Variants in CLEC6A observed in about 807,000 individuals in gnomAD.
CLEC6A encodes the protein C-type lectin domain containing 6A, also known as C-type lectin domain family 6 member A.
A neutral mutation model predicts 25.7 loss-of-function variants in CLEC6A; 22 were observed. The observed-to-expected ratio is 0.85, with a 90% confidence interval of 0.61 to 1.22. The LOEUF is 1.22. Among genes scored for constraint, CLEC6A ranks in the 50% most tolerant of loss-of-function variants. The pLI is 0.00. For missense variants in CLEC6A, 240 were observed against 236.8 expected (o/e 1.01, Z -0.09); for synonymous variants, 92 against 76.7 (o/e 1.20, Z -1.04).
rs1939671043 is a variant in CLEC6A at position 8,456,053 on chromosome 12, T to A, written c.-59T>A. On this transcript the variant is annotated 5_prime_UTR_variant, in exon 1 of 6. Transcript: ENST00000382073. ...AATGAAGCTGAGTCTCTGGGCAACATCTTTAGGGAGAGAGGTACAAAAGGT... is the reference window on the plus strand; with the variant it reads ...AATGAAGCTGAGTCTCTGGGCAACAACTTTAGGGAGAGAGGTACAAAAGGT... 4.5e-6 allele frequency: 7 copies of A among 1,569,702 alleles called. No homozygotes were observed. Among genetic ancestry groups the A allele is most frequent in the Middle Eastern group, 1.7e-4 (1 of 5,968 alleles).
At position 8,456,047 on chromosome 12, in the gene CLEC6A, G is replaced by A. The variant is rs1180588191; in HGVS notation, c.-65G>A. ...TCTTTAAATGAAGCTGAGTCTCTGG[G>A]CAACATCTTTAGGGAGAGAGGTACA... On this transcript the variant is annotated 5_prime_UTR_variant, in exon 1 of 6. Transcript: ENST00000382073. The A allele has an allele frequency of 2.6e-6, 4 of 1,530,120 alleles. No individual in the cohort carries two copies. The highest frequency in any genetic ancestry group is 2.7e-5 in the African/African-American group (2 of 73,184). 94.8% of individuals were successfully genotyped at this position (1,530,120 alleles called of 1,614,324 possible). A position where few individuals can be genotyped will look rare whatever the true frequency, so the allele number is the denominator to read the frequency against.
chr12:8,462,693 C>G (rs940642104), intron 3 of CLEC6A, among the ~76,000 whole-genome samples: 5 of 151,878 alleles, frequency 3.3e-5, no homozygotes, highest in Non-Finnish European at 7.4e-5. Flanking sequence ...CCTGCCACAT[C>G]CCCCTCTCTG....
intron 4 of CLEC6A, among the ~76,000 whole-genome samples, chr12:8,468,075 A>G (rs762711295): frequency 6.6e-6 from 1 of 151,918 alleles, no homozygotes; most frequent in South Asian, 2.1e-4. Context: ...CCAAGTAGCT[A>G]GGATTACAGG....
chr12:8,457,081 G>A (rs1461146827), intron 1 of CLEC6A, among the ~76,000 whole-genome samples: 1 of 151,518 alleles, frequency 6.6e-6, no homozygotes, highest in Non-Finnish European at 1.5e-5. Flanking sequence ...TTGTGCTTCA[G>A]CCTGGGTGAC....
At chr12:8,460,710 C>T (rs1229362851) in intron 3 of CLEC6A, 3 of 1,483,066 alleles carry the variant, frequency 2.0e-6, no homozygotes, top group Non-Finnish European at 2.8e-6. Flanking sequence ...GGCAGTACCG[C>T]CAGCTCTCTG....
Position 8,472,997 on chromosome 12 carries a change from T to A in CLEC6A, c.370-3128T>A, listed in dbSNP as rs202070610. ...ACTCAGTGTTTAGCTCCTACTTCTT[T>A]TTTTTTTTTTTTTTTTGAGACGGAG... On this transcript the variant is annotated intron_variant, in intron 4 of 5. Transcript: ENST00000382073. 9.8e-3 allele frequency among the ~76,000 whole-genome samples: 16 copies of A among 1,630 alleles called. 1 individual carries two copies. Among genetic ancestry groups the A allele is most frequent in the Middle Eastern group, 0.2 (2 of 10 alleles). 1.1% of individuals were successfully genotyped at this position (1,630 alleles called of 152,430 possible).
chr12:8,470,395 G>A (rs1939889342), intron 4 of CLEC6A, among the ~76,000 whole-genome samples: 1 of 152,044 alleles, frequency 6.6e-6, no homozygotes, highest in South Asian at 2.1e-4. Flanking sequence ...AGAACTAAAA[G>A]CAGAATTACC....
intron 3 of CLEC6A, among the ~76,000 whole-genome samples, chr12:8,460,435 A>T (rs746538219): frequency 6.6e-6 from 1 of 152,280 alleles, no homozygotes; most frequent in African/African-American, 2.4e-5. Flanking sequence ...GAGAACAGTA[A>T]GGGGGAAACC....
In CLEC6A at chr12:8,477,623, C is replaced by T; in HGVS notation, c.*159C>T. On this transcript the variant is annotated 3_prime_UTR_variant, in exon 6 of 6. Coordinates refer to ENST00000382073, the MANE Select transcript of CLEC6A (RefSeq NM_001007033.2). ...CAGAAATGGAAAGATACCTGTTTCC[C>T]TTTAATCAATCTTCTCGTTTCCTCT... 2 of 502,794 alleles carry T rather than the reference C, an allele frequency of 4.0e-6. No homozygotes were observed. The highest frequency in any genetic ancestry group is 6.8e-6 in the Non-Finnish European group (2 of 295,340). The allele number at this position is 502,794 out of a possible 1,614,324, so 31.1% of individuals were successfully genotyped here.
Position 8,476,252 on chromosome 12 carries a change from T to A in CLEC6A, c.485+12T>A. The A allele has an allele frequency of 6.9e-7, 1 of 1,446,704 alleles. No individual in the cohort carries two copies. The highest frequency in any genetic ancestry group is 9.6e-7 in the Non-Finnish European group (1 of 1,044,044). The allele number at this position is 1,446,704 out of a possible 1,614,324, so 89.6% of individuals were successfully genotyped here. A position where few individuals can be genotyped will look rare whatever the true frequency, so the allele number is the denominator to read the frequency against. ...GAGAAAAATGTCAGGTGAGTGCAGT[T>A]CTGGGGCCTTGTTTACATAGAAAAT... On this transcript the variant is annotated intron_variant, in intron 5 of 5. Coordinates refer to ENST00000382073, the MANE Select transcript of CLEC6A (RefSeq NM_001007033.2).
chr12:8,477,347 T>G lies in CLEC6A; in HGVS notation c.513T>G (p.His171Gln). ...VRFWHLGEPN[H>Q]SAEQCASIVF... ...TTTGGCACCTAGGTGAGCCCAATCATTCTGCAGAGCAATGTGCTTCAATAG... is the reference window on the plus strand; with the variant it reads ...TTTGGCACCTAGGTGAGCCCAATCAGTCTGCAGAGCAATGTGCTTCAATAG... Residue 171 changes from histidine (H) to glutamine (Q), a missense_variant, in exon 6 of 6, where the codon CAT (histidine) becomes CAG (glutamine). His to Gln is a conservative substitution (Grantham distance 24). Coordinates refer to ENST00000382073, the MANE Select transcript of CLEC6A (RefSeq NM_001007033.2). 1 of 1,611,422 alleles carries G rather than the reference T, an allele frequency of 6.2e-7. No homozygotes were observed. The highest frequency in any genetic ancestry group is 1.1e-5 in the South Asian group (1 of 90,732).
intron 3 of CLEC6A, chr12:8,461,183 T>C (rs2136358046): frequency 1.7e-6 from 2 of 1,158,224 alleles, no homozygotes; most frequent in South Asian, 1.2e-5. Flanking sequence ...GGTTCTCATC[T>C]GGCAGATTGG....
rs74451927 is a variant in CLEC6A at position 8,466,327 on chromosome 12, G to A, written c.369+698G>A. On this transcript the variant is annotated intron_variant, in intron 4 of 5. Transcript: ENST00000382073. ...GTTGCTTCCACTTTGCAGCTATTGT[G>A]AATAATTGTGCAATGAATGTGGGTG... Among the ~76,000 whole-genome samples the A allele has an allele frequency of 5.0e-3, 766 of 152,270 alleles. 7 individuals carry two copies. Among genetic ancestry groups the A allele is most frequent in the African/African-American group, 0.017 (712 of 41,540 alleles).
At chr12:8,458,957 A>G (rs1218279744) in intron 2 of CLEC6A, among the ~76,000 whole-genome samples, 1 of 152,222 alleles carries the variant, frequency 6.6e-6, no homozygotes, top group African/African-American at 2.4e-5. Flanking sequence ...CATTTGAGAC[A>G]TTAAAAATAT....
intron 3 of CLEC6A, among the ~76,000 whole-genome samples, chr12:8,462,629 T>G (rs4883153): frequency 0.77 from 107,800 of 140,192 alleles, 41,782 homozygotes; most frequent in East Asian, 0.99. Context: ...ATGATGCAGA[T>G]ACCTTTGTTC....
chr12:8,462,535 G>A (rs1167474979), intron 3 of CLEC6A, among the ~76,000 whole-genome samples: 7 of 138,486 alleles, frequency 5.1e-5, no homozygotes, highest in Non-Finnish European at 9.5e-5. Flanking sequence ...TGGGACATGC[G>A]GGCAACAATA....
At chr12:8,457,852 C>T in intron 1 of CLEC6A, 46 bp from the exon 2 acceptor site, 1 of 1,444,694 alleles carries the variant, frequency 6.9e-7, no homozygotes, top group Non-Finnish European at 9.7e-7. Context: ...GATTTTGGCT[C>T]CCTGGCCCCC....
At chr12:8,460,892 C>T (rs1355731841) in intron 3 of CLEC6A, 4 of 872,668 alleles carry the variant, frequency 4.6e-6, no homozygotes, top group Non-Finnish European at 7.8e-6. Flanking sequence ...GTTAACCAGC[C>T]AAAGTTTGCT....
At position 8,464,663 on chromosome 12, in the gene CLEC6A, T is replaced by G. The variant is rs180817093; in HGVS notation, c.224-821T>G. ...TTCATAACAAAACAAATCTAAACAA[T>G]TTACTATTTAGGCATACATATATAT... On this transcript the variant is annotated intron_variant, in intron 3 of 5. Coordinates refer to ENST00000382073, the MANE Select transcript of CLEC6A (RefSeq NM_001007033.2). Among the ~76,000 whole-genome samples, 275 of 152,248 alleles carry G rather than the reference T, an allele frequency of 1.8e-3. 1 individual carries two copies. Among genetic ancestry groups the G allele is most frequent in the African/African-American group, 6.4e-3 (264 of 41,552 alleles).
Sources: gnomAD v4.1 joint callset for allele counts (sites outside exome capture counted in the v4.1 genomes callset) on GRCh38, gnomAD v4.1.1 for gene constraint, MANE v1.5 for transcripts, NCBI Gene and HGNC (gene_info 2026-07-23, HGNC 2026-07-21) for gene names.